Variants in CSMD1 observed in about 807,000 individuals in gnomAD.
CSMD1 encodes the protein CUB and sushi domain-containing protein 1.
A neutral mutation model predicts 417.5 loss-of-function variants in CSMD1; 213 were observed. That is an observed-to-expected ratio of 0.51 (90% confidence interval 0.46 to 0.57). The LOEUF is 0.57. Among genes scored for constraint, CSMD1 ranks in the 20% least tolerant of loss-of-function variants. The probability of loss-of-function intolerance (pLI) is 0.00; values close to 1 mark genes in which losing one functional copy is unlikely to be tolerated. For synonymous variants in CSMD1, 2,862 were observed against 1,736.8 expected (o/e 1.65, Z -16.11); for missense variants, 6,923 against 4,529.7 (o/e 1.53, Z -15.17).
rs1441968398 is a variant in CSMD1, at chr8:3,300,758, A to T, written c.3950+6937T>A. Among the ~76,000 whole-genome samples, 11 of 152,080 alleles carry T rather than the reference A, an allele frequency of 7.2e-5. No individual in the cohort carries two copies. In the East Asian group the frequency reaches 2.1e-3, roughly 29 times the overall value. ...GATCATTGGAGGTCAGGAGTTTGAG[A>T]CTAGCCTGGCAACAGGGCGAAACCC... On this transcript the variant is annotated intron_variant, in intron 25 of 69. Coordinates refer to ENST00000635120, the MANE Select transcript of CSMD1 (RefSeq NM_033225.6).
chr8:4,609,530 TTTC>T (rs1328125629), intron 2 of CSMD1, among the ~76,000 whole-genome samples: 2 of 152,246 alleles, frequency 1.3e-5, no homozygotes, highest in South Asian at 2.1e-4. Flanking sequence ...AACACTATGC[TTTC>T]TTTATTGTAC....
At chr8:4,771,846 T>G (rs1039503106) in intron 1 of CSMD1, among the ~76,000 whole-genome samples, 4 of 152,284 alleles carry the variant, frequency 2.6e-5, no homozygotes, top group Admixed American at 1.3e-4. Flanking sequence ...CTGTTGTGGT[T>G]TTAATCCACG....
At chr8:3,466,487 G>A (rs2117177418) in intron 12 of CSMD1, among the ~76,000 whole-genome samples, 1 of 151,754 alleles carries the variant, frequency 6.6e-6, no homozygotes, top group African/African-American at 2.4e-5. Context: ...TTGGCTCACT[G>A]CAAGCTCCAC....
chr8:4,988,398 A>C (rs1033635159), intron 1 of CSMD1, among the ~76,000 whole-genome samples: 5 of 152,208 alleles, frequency 3.3e-5, no homozygotes, highest in Non-Finnish European at 7.3e-5. Flanking sequence ...CAACCAGTAA[A>C]TTGCAAAATG....
intron 66 of CSMD1, 25 bp from the exon 67 acceptor site, chr8:2,950,368 C>T: frequency 1.4e-6 from 2 of 1,449,884 alleles, no homozygotes; most frequent in Non-Finnish European, 1.9e-6. Flanking sequence ...GCAGTTTAGG[C>T]TTACCTTGGA....
At chr8:3,654,856 C>A (rs993028726) in intron 7 of CSMD1, among the ~76,000 whole-genome samples, 2 of 152,142 alleles carry the variant, frequency 1.3e-5, no homozygotes, top group African/African-American at 4.8e-5. Context: ...TCTACCCACA[C>A]CCGGACCTGC....
chr8:4,828,145 G>A (rs1385669973), intron 1 of CSMD1, among the ~76,000 whole-genome samples: 1 of 152,028 alleles, frequency 6.6e-6, no homozygotes, highest in East Asian at 1.9e-4. Flanking sequence ...ATCCCACGAG[G>A]AAATTCACTT....
chr8:3,044,331 G>T (rs775712009), intron 50 of CSMD1, among the ~76,000 whole-genome samples: 6 of 151,734 alleles, frequency 4.0e-5, no homozygotes, highest in Non-Finnish European at 7.4e-5. Flanking sequence ...TAACTTTTGT[G>T]ACCTACCACA....
At chr8:4,167,535 A>T (rs564086056) in intron 3 of CSMD1, among the ~76,000 whole-genome samples, 1 of 152,190 alleles carries the variant, frequency 6.6e-6, no homozygotes, top group Admixed American at 6.5e-5. Flanking sequence ...TCTGATTTAT[A>T]TAAAATCTTG....
intron 2 of CSMD1, among the ~76,000 whole-genome samples, chr8:4,600,196 A>T (rs983825484): frequency 6.8e-5 from 10 of 147,944 alleles, no homozygotes; most frequent in Non-Finnish European, 3.0e-5. Flanking sequence ...TGTCAAATAC[A>T]TTTCCATATC....
At chr8:4,118,810 C>A (rs1356855091) in intron 3 of CSMD1, among the ~76,000 whole-genome samples, 1 of 152,172 alleles carries the variant, frequency 6.6e-6, no homozygotes, top group Non-Finnish European at 1.5e-5. Flanking sequence ...TATTACAGCA[C>A]TATTCACAAT....
At chr8:4,847,055 T>C (rs1222462177) in intron 1 of CSMD1, among the ~76,000 whole-genome samples, 1 of 152,136 alleles carries the variant, frequency 6.6e-6, no homozygotes, top group African/African-American at 2.4e-5. Flanking sequence ...GTTCTGATAA[T>C]TGGCGAACTT....
chr8:4,471,594 G>C (rs374236827), intron 2 of CSMD1, among the ~76,000 whole-genome samples: 1 of 152,148 alleles, frequency 6.6e-6, no homozygotes, highest in East Asian at 1.9e-4. Flanking sequence ...GAGGTGCAGG[G>C]AGAAAACAAC....
chr8:3,192,024 AGACCAACGACAGACATT>A (rs1331693803), intron 33 of CSMD1, among the ~76,000 whole-genome samples: 1 of 152,190 alleles, frequency 6.6e-6, no homozygotes, highest in African/African-American at 2.4e-5. Flanking sequence ...CTGTTGAATC[AGACCAACGACAGACATT>A]ATTTGGGTAA....
At chr8:4,420,597 C>G (rs932928291) in intron 2 of CSMD1, among the ~76,000 whole-genome samples, 1 of 152,030 alleles carries the variant, frequency 6.6e-6, no homozygotes, top group African/African-American at 2.4e-5. Flanking sequence ...TTTGTGCACT[C>G]AAACATGAAA....
At chr8:4,165,114 G>C (rs960517255) in intron 3 of CSMD1, among the ~76,000 whole-genome samples, 1 of 152,106 alleles carries the variant, frequency 6.6e-6, no homozygotes, top group Admixed American at 6.6e-5. Context: ...GAATTCATGT[G>C]CTGGTGCATG....
At chr8:3,024,945 A>G (rs1461222757) in intron 51 of CSMD1, among the ~76,000 whole-genome samples, 1 of 151,512 alleles carries the variant, frequency 6.6e-6, no homozygotes, top group Non-Finnish European at 1.5e-5. Flanking sequence ...CCTTGGATAC[A>G]CGTGCCCTAA....
intron 49 of CSMD1, among the ~76,000 whole-genome samples, chr8:3,084,501 G>T (rs1356220776): frequency 3.7e-5 from 3 of 80,072 alleles, no homozygotes; most frequent in African/African-American, 1.5e-4. Context: ...TCTACCCTGG[G>T]CAACAAAAGC....
intron 5 of CSMD1, among the ~76,000 whole-genome samples, chr8:3,898,468 T>C (rs3102403): frequency 6.6e-6 from 1 of 152,234 alleles, no homozygotes; most frequent in Non-Finnish European, 1.5e-5. Context: ...ATATTATGGA[T>C]GTCGCATCAT....
Sources: allele counts gnomAD v4.1 joint callset (sites outside exome capture counted in the v4.1 genomes callset), GRCh38; gene constraint gnomAD v4.1.1; transcripts MANE v1.5; gene names NCBI Gene and HGNC (gene_info 2026-07-23, HGNC 2026-07-21).